Variants in NCAPH observed in about 807,000 individuals in gnomAD.
The protein encoded by NCAPH is condensin complex subunit 2.
Under a neutral mutation model 85.5 loss-of-function variants are expected in NCAPH, and 38 were observed. The ratio of observed to expected loss-of-function variants is 0.44; its 90% CI spans 0.34 to 0.58. The LOEUF is 0.58. Among genes scored for constraint, NCAPH ranks in the 20% least tolerant of loss-of-function variants. NCAPH has a pLI of 0.01. For missense variants in NCAPH, 789 were observed against 916.6 expected, an observed-to-expected ratio of 0.86 and a Z score of 1.80; for synonymous variants, 301 against 335.1, an observed-to-expected ratio of 0.90 and a Z score of 1.11.
At chr2:96,343,668 A>C (rs1398129836) in intron 5 of NCAPH, among the ~76,000 whole-genome samples, 1 of 151,628 alleles carries the variant, frequency 6.6e-6, no homozygotes, top group African/African-American at 2.4e-5. Flanking sequence ...GTTTTGAGAG[A>C]ACTGCGTGTT....
chr2:96,345,255 G>GGTTCA (rs2064347504), intron 6 of NCAPH, among the ~76,000 whole-genome samples: 1 of 152,196 alleles, frequency 6.6e-6, no homozygotes, highest in African/African-American at 2.4e-5. Context: ...AATGAGCTTG[G>GGTTCA]AGTGGGGGCC....
At position 96,375,418 on chromosome 2, in the gene NCAPH, C is replaced by G. The variant is rs1033996765; in HGVS notation, c.*2067C>G. Among the ~76,000 whole-genome samples, 1 of 152,088 alleles carries G rather than the reference C, an allele frequency of 6.6e-6. No homozygotes were observed. Among genetic ancestry groups the G allele is most frequent in the African/African-American group, 2.4e-5 (1 of 41,396 alleles). ...GATTAGGTTATGAGGGCAGATCCCT[C>G]GTGAATGGGATTAGTGCTCTTATAA... On this transcript the variant is annotated 3_prime_UTR_variant, in exon 18 of 18. Coordinates refer to ENST00000240423, the MANE Select transcript of NCAPH (RefSeq NM_015341.5).
chr2:96,376,184 C>T lies in NCAPH; in HGVS notation c.*2833C>T, dbSNP rs1317678882. Among the ~76,000 whole-genome samples, 1 of 152,158 alleles carries T rather than the reference C, an allele frequency of 6.6e-6. No individual in the cohort carries two copies. The highest frequency in any genetic ancestry group is 1.5e-5 in the Non-Finnish European group (1 of 68,040). Reference sequence around the variant, plus strand: ...AAGCCTCCTGAGATAAGAGCGTATACCATGTCCATAACTGAAGTTTTAACA... The same window carrying T: ...AAGCCTCCTGAGATAAGAGCGTATATCATGTCCATAACTGAAGTTTTAACA... On this transcript the variant is annotated 3_prime_UTR_variant, in exon 18 of 18. Coordinates refer to ENST00000240423, the MANE Select transcript of NCAPH (RefSeq NM_015341.5).
At chr2:96,337,675 C>T (rs772708643) in intron 1 of NCAPH, among the ~76,000 whole-genome samples, 1 of 152,172 alleles carries the variant, frequency 6.6e-6, no homozygotes, top group Non-Finnish European at 1.5e-5. Context: ...GCCTCAGCCT[C>T]CCAAAGTGCT....
Position 96,351,850 on chromosome 2 carries a change from AG to A in NCAPH, c.741del (p.Thr248GlnfsTer47). ...GTTCAGATTGATCCCATGTTTCAGA[AG>A]ACAGCAGCCTCATTTGATGAGTGCA... ...RKCEIDPMFQ[K>X]TAASFDECST... On this transcript the variant is annotated frameshift_variant, in exon 7 of 18. Transcript: ENST00000240423. LOFTEE classifies it high-confidence loss of function. The A allele has an allele frequency of 1.2e-6, 2 of 1,603,204 alleles. No homozygotes were observed. The highest frequency in any genetic ancestry group is 1.7e-6 in the Non-Finnish European group (2 of 1,176,064).
At chr2:96,358,661 C>G (rs112566500) in intron 9 of NCAPH, among the ~76,000 whole-genome samples, 25,772 of 151,994 alleles carry the variant, frequency 0.17, 3,951 homozygotes, top group African/African-American at 0.39. Context: ...GTAGAGACGG[C>G]GTTTCACTGT....
At position 96,354,217 on chromosome 2, in the gene NCAPH, A is replaced by G; in HGVS notation, c.1037A>G (p.Asn346Ser). The change falls in exon 9 of 18, where the codon AAT (asparagine) becomes AGT (serine). Residue 346 changes from asparagine to serine, a missense_variant. Physicochemically the swap from Asn to Ser is conservative, Grantham distance 46. Coordinates refer to ENST00000240423, the MANE Select transcript of NCAPH (RefSeq NM_015341.5). Reference protein sequence around the residue: ...VSALVDKFKKNDQVFDINAEV... With the variant: ...VSALVDKFKKSDQVFDINAEV... Reference sequence around the variant, plus strand: ...GCCCTGGTAGACAAGTTTAAGAAGAATGACCAGGTATTTGACATCAATGCT... The same window carrying G: ...GCCCTGGTAGACAAGTTTAAGAAGAGTGACCAGGTATTTGACATCAATGCT... 6.2e-7 allele frequency: 1 copy of G among 1,614,154 alleles called. No individual in the cohort carries two copies. The highest frequency in any genetic ancestry group is 1.7e-5 in the Admixed American group (1 of 60,008).
rs1412648431 is a variant in NCAPH, at chr2:96,353,532, G to A, written c.1002+135G>A. 4.0e-5 allele frequency: 31 copies of A among 776,402 alleles called. No individual in the cohort carries two copies. In the East Asian group the frequency reaches 7.6e-4, roughly 19 times the overall value. 48.1% of individuals were successfully genotyped at this position (776,402 alleles called of 1,614,324 possible). ...AAATATTTCCTTTGGCACTTCTGTA[G>A]GGACAAAAACCCTGAGGGAGGAGGG... On this transcript the variant is annotated intron_variant, in intron 8 of 17. Transcript: ENST00000240423.
chr2:96,372,102 C>T (rs2064782373), intron 17 of NCAPH, among the ~76,000 whole-genome samples: 1 of 152,230 alleles, frequency 6.6e-6, no homozygotes, highest in South Asian at 2.1e-4. Context: ...TGGCACATCC[C>T]ATCTGCCTCC....
intron 11 of NCAPH, 87 bp from the exon 12 acceptor site, chr2:96,360,501 A>G: frequency 6.6e-7 from 1 of 1,505,514 alleles, no homozygotes. Flanking sequence ...CATGCTGCCC[A>G]AACCCTTCCC....
rs148824432 is a variant in NCAPH at position 96,374,201 on chromosome 2, C to T, written c.*850C>T. Among the ~76,000 whole-genome samples, 21 of 152,308 alleles carry T rather than the reference C, an allele frequency of 1.4e-4. 1 individual carries two copies. Among genetic ancestry groups the T allele is most frequent in the African/African-American group, 3.4e-4 (14 of 41,568 alleles). On this transcript the variant is annotated 3_prime_UTR_variant, in exon 18 of 18. Coordinates refer to ENST00000240423, the MANE Select transcript of NCAPH (RefSeq NM_015341.5). Reference sequence around the variant, plus strand: ...GTAGAGGAACTTGCAAAAGGGCAGCCGGCAAACTGTCAGGGGTGGCCTGAG... The same window carrying T: ...GTAGAGGAACTTGCAAAAGGGCAGCTGGCAAACTGTCAGGGGTGGCCTGAG...
Position 96,341,655 on chromosome 2 carries a change from A to T in NCAPH, c.33A>T (p.Thr11=). Residue 11 remains threonine (T), a synonymous_variant, in exon 2 of 18, where the codon ACA becomes ACT. Transcript: ENST00000240423. The stretch of plus-strand genomic sequence containing the variant: ...ATTTTGTTCCAGCACTGCCAGCCAC[A>T]ATGAATAACTCTTCTTCAGAGACGC... The part of the protein sequence containing the change: MGPPGPALPA[T]MNNSSSETRG... 1 of 1,611,052 alleles carries T rather than the reference A, an allele frequency of 6.2e-7. No individual in the cohort carries two copies. The highest frequency in any genetic ancestry group is 8.5e-7 in the Non-Finnish European group (1 of 1,177,732).
At chr2:96,369,112 C>G in intron 16 of NCAPH, 49 bp downstream of exon 16, 1 of 1,523,606 alleles carries the variant, frequency 6.6e-7, no homozygotes, top group Non-Finnish European at 8.9e-7. Flanking sequence ...CCTCTCTGAG[C>G]TGTCCGCGTG....
At chr2:96,353,814 C>G (rs1203956886) in intron 8 of NCAPH, among the ~76,000 whole-genome samples, 1 of 152,034 alleles carries the variant, frequency 6.6e-6, no homozygotes, top group Non-Finnish European at 1.5e-5. Flanking sequence ...ATGTGTAGAG[C>G]TTTCCTCTGT....
intron 15 of NCAPH, among the ~76,000 whole-genome samples, chr2:96,368,569 A>G (rs2064729820): frequency 6.6e-6 from 1 of 152,166 alleles, no homozygotes; most frequent in Admixed American, 6.6e-5. Context: ...AGGCAGGAGA[A>G]TTGCCTGAAC....
At position 96,373,678 on chromosome 2, in the gene NCAPH, A is replaced by G. The variant is rs576586336; in HGVS notation, c.*327A>G. ...TGTATAGTTTTAGTCTCCTAAATTGATCTGTTATTTTCCAAACTATTCTCT... is the reference window on the plus strand; with the variant it reads ...TGTATAGTTTTAGTCTCCTAAATTGGTCTGTTATTTTCCAAACTATTCTCT... On this transcript the variant is annotated 3_prime_UTR_variant, in exon 18 of 18. Transcript: ENST00000240423. The G allele has an allele frequency of 5.0e-6, 1 of 198,106 alleles. No individual in the cohort carries two copies. The highest frequency in any genetic ancestry group is 1.1e-4 in the East Asian group (1 of 8,824). The allele number at this position is 198,106 out of a possible 1,614,324, so 12.3% of individuals were successfully genotyped here. A position where few individuals can be genotyped will look rare whatever the true frequency, so the allele number is the denominator to read the frequency against.
intron 14 of NCAPH, 91 bp downstream of exon 14, chr2:96,366,149 C>A: frequency 7.2e-7 from 1 of 1,393,196 alleles, no homozygotes. Flanking sequence ...AGCTTGATTT[C>A]TTTTCTTCTC....
chr2:96,373,610 A>G lies in NCAPH; in HGVS notation c.*259A>G, dbSNP rs2064801551. The stretch of plus-strand genomic sequence containing the variant: ...AGGGGAGGGCAGAGGGGGTGAGGGT[A>G]CTATTCTGGATTGAGAAAACCTATA... On this transcript the variant is annotated 3_prime_UTR_variant, in exon 18 of 18. Coordinates refer to ENST00000240423, the MANE Select transcript of NCAPH (RefSeq NM_015341.5). 5.4e-6 allele frequency: 2 copies of G among 373,178 alleles called. No individual in the cohort carries two copies. Among genetic ancestry groups the G allele is most frequent in the East Asian group, 8.6e-5 (2 of 23,344 alleles). The allele number at this position is 373,178 out of a possible 1,614,324, so 23.1% of individuals were successfully genotyped here.
Position 96,354,192 on chromosome 2 carries a change from G to A in NCAPH, c.1012G>A (p.Ala338Thr), listed in dbSNP as rs780501940. Residue 338 changes from alanine (A) to threonine (T), a missense_variant, in exon 9 of 18, where the codon GCC becomes ACC. Physicochemically the swap from Ala to Thr is moderately conservative, Grantham distance 58 (BLOSUM62 0). Transcript: ENST00000240423. The part of the protein sequence containing the change: ...DSETHNESVS[A>T]LVDKFKKNDQ... Reference sequence around the variant, plus strand: ...TCTTTTGTCCCTCCAGTCTGTGTCGGCCCTGGTAGACAAGTTTAAGAAGAA... The same window carrying A: ...TCTTTTGTCCCTCCAGTCTGTGTCGACCCTGGTAGACAAGTTTAAGAAGAA... 24 of 1,613,628 alleles carry A rather than the reference G, an allele frequency of 1.5e-5. No individual in the cohort carries two copies. Among genetic ancestry groups the A allele is most frequent in the African/African-American group, 2.7e-5 (2 of 74,898 alleles).
Sources: allele counts gnomAD v4.1 joint callset (sites outside exome capture counted in the v4.1 genomes callset), GRCh38; gene constraint gnomAD v4.1.1; transcripts MANE v1.5; gene names NCBI Gene and HGNC (gene_info 2026-07-23, HGNC 2026-07-21).